Variants in TMEM272 observed in about 807,000 individuals in gnomAD.
The protein encoded by TMEM272 is long intergenic non-protein coding RNA 282.
In TMEM272, 8 loss-of-function variants were observed where a neutral mutation model predicts 3.7. That is an observed-to-expected ratio of 2.17 (90% CI 1.27 to 3.91). The LOEUF (loss-of-function observed/expected upper bound fraction) is 3.91, where lower values mean the gene tolerates loss of function less well. Among genes scored for constraint, TMEM272 ranks in the 30% most tolerant of loss-of-function variants. The probability of loss-of-function intolerance (pLI) is 0.00; values close to 1 mark genes in which losing one functional copy is unlikely to be tolerated. For missense variants in TMEM272, 166 were observed against 91.5 expected (o/e 1.81, Z -3.32); for synonymous variants, 63 against 39.8 (o/e 1.58, Z -2.20).
intron 2 of TMEM272, among the ~76,000 whole-genome samples, chr13:51,827,010 C>G (rs1394645520): frequency 6.6e-6 from 1 of 152,242 alleles, no homozygotes; most frequent in Non-Finnish European, 1.5e-5. Flanking sequence ...TGCCTGTACT[C>G]AGGGCAGATG....
At chr13:51,823,727 A>G (rs1956100019) in intron 3 of TMEM272, among the ~76,000 whole-genome samples, 1 of 152,228 alleles carries the variant, frequency 6.6e-6, no homozygotes, top group Non-Finnish European at 1.5e-5. Flanking sequence ...TTTAGCTTTG[A>G]TTTGGAATTT....
the TMEM272 span, chr13:51,932,383 ATTT>A: frequency 6.6e-6 from 1 of 152,242 alleles, no homozygotes; most frequent in African/African-American, 2.4e-5. Context: ...CGATGCGGTA[ATTT>A]AAGCCTGTGT....
At chr13:51,909,018 G>A in the TMEM272 span, 66 of 1,469,706 alleles carry the variant, frequency 4.5e-5, no homozygotes, top group African/African-American at 2.1e-4. Flanking sequence ...CAACAAAGTC[G>A]GAAGATAGAG....
At chr13:51,875,760 G>A in the TMEM272 span, among the ~76,000 whole-genome samples, 1 of 152,182 alleles carries the variant, frequency 6.6e-6, no homozygotes, top group Non-Finnish European at 1.5e-5. Context: ...CCCACATACA[G>A]CCTCCTGGTC....
At chr13:51,867,757 G>A in the TMEM272 span, among the ~76,000 whole-genome samples, 4 of 152,132 alleles carry the variant, frequency 2.6e-5, no homozygotes, top group South Asian at 8.3e-4. Context: ...CTCTCCATGG[G>A]TCCCAGGGCA....
chr13:51,924,309 C>T, the TMEM272 span, among the ~76,000 whole-genome samples: 1 of 152,210 alleles, frequency 6.6e-6, no homozygotes, highest in African/African-American at 2.4e-5. Context: ...AATCCCAACT[C>T]TTTGGGAGGC....
chr13:51,854,171 T>C, the TMEM272 span, among the ~76,000 whole-genome samples: 1 of 152,198 alleles, frequency 6.6e-6, no homozygotes, highest in Admixed American at 6.5e-5. Context: ...TGTTAAGTGA[T>C]TTATTTTCTG....
chr13:51,887,814 TG>T, the TMEM272 span, among the ~76,000 whole-genome samples: 1 of 152,214 alleles, frequency 6.6e-6, no homozygotes, highest in Non-Finnish European at 1.5e-5. Flanking sequence ...TCAGGCCCAC[TG>T]GGGAACAAGG....
upstream of TMEM272, among the ~76,000 whole-genome samples, chr13:51,849,062 A>C (rs1956319711): frequency 6.6e-6 from 1 of 152,100 alleles, no homozygotes; most frequent in Non-Finnish European, 1.5e-5. Flanking sequence ...ATTTCAATAT[A>C]AGTTTTCATT....
chr13:51,934,321 G>A, the TMEM272 span: 1 of 286,230 alleles, frequency 3.5e-6, no homozygotes, highest in South Asian at 3.9e-5. Context: ...GAAACATGAT[G>A]CACACAGACA....
chr13:51,869,647 G>A, the TMEM272 span, among the ~76,000 whole-genome samples: 1 of 152,008 alleles, frequency 6.6e-6, no homozygotes, highest in African/African-American at 2.4e-5. Context: ...CTGCCGCCAT[G>A]CCCGGCTAAT....
intron 1 of TMEM272, among the ~76,000 whole-genome samples, chr13:51,839,995 G>T (rs747526929): frequency 1.1e-4 from 16 of 152,180 alleles, no homozygotes; most frequent in Admixed American, 3.9e-4. Context: ...CCAACCAGAG[G>T]CATATCACCA....
chr13:51,838,325 G>C, intron 2 of TMEM272, 148 bp downstream of exon 2: 1 of 660,016 alleles, frequency 1.5e-6, no homozygotes, highest in Admixed American at 2.2e-5. Flanking sequence ...CCGAGGGCCG[G>C]ACACTGTCTT....
At chr13:51,900,020 C>T in the TMEM272 span, among the ~76,000 whole-genome samples, 2 of 152,106 alleles carry the variant, frequency 1.3e-5, no homozygotes, top group Non-Finnish European at 2.9e-5. Flanking sequence ...CATAGTCTTA[C>T]ATGCAAGAGT....
intron 4 of TMEM272, among the ~76,000 whole-genome samples, chr13:51,819,853 G>A (rs190072840): frequency 2.0e-5 from 3 of 152,284 alleles, no homozygotes; most frequent in African/African-American, 4.8e-5. Context: ...CACTGAATCC[G>A]TCTTTTGGAA....
chr13:51,830,885 T>A (rs1178621772), intron 2 of TMEM272, among the ~76,000 whole-genome samples: 5 of 152,152 alleles, frequency 3.3e-5, no homozygotes, highest in Non-Finnish European at 7.4e-5. Context: ...CTAAAGAGGC[T>A]CACTCTTGCT....
At chr13:51,887,418 G>A in the TMEM272 span, among the ~76,000 whole-genome samples, 71,736 of 152,110 alleles carry the variant, frequency 0.47, 17,852 homozygotes, top group Non-Finnish European at 0.56. Context: ...GATTCAAGTC[G>A]TCTCTATTTT....
At chr13:51,851,340 A>T in the TMEM272 span, among the ~76,000 whole-genome samples, 1 of 151,592 alleles carries the variant, frequency 6.6e-6, no homozygotes, top group East Asian at 1.9e-4. Flanking sequence ...CCTCCTCCGT[A>T]ACCAAAAAAA....
chr13:51,920,159 T>C, the TMEM272 span, among the ~76,000 whole-genome samples: 3 of 152,132 alleles, frequency 2.0e-5, no homozygotes, highest in Non-Finnish European at 2.9e-5. Context: ...AGCAGAAAGA[T>C]GTGAGCTGCT....
Sources: gnomAD v4.1 joint callset for allele counts (sites outside exome capture counted in the v4.1 genomes callset) on GRCh38, gnomAD v4.1.1 for gene constraint, MANE v1.5 for transcripts, NCBI Gene and HGNC (gene_info 2026-07-23, HGNC 2026-07-21) for gene names.